Variants in NELL1 observed in about 807,000 individuals in gnomAD.
NELL1 encodes the protein protein kinase C-binding protein NELL1.
NELL1 carries 76 observed loss-of-function variants against 107.4 expected under a neutral mutation model. The ratio of observed to expected loss-of-function variants is 0.71; its 90% CI spans 0.59 to 0.86. The LOEUF is 0.86. Ranked by LOEUF, NELL1 falls within the 40% of genes least tolerant of loss-of-function variation. NELL1 has a pLI of 0.00. For missense variants in NELL1, 1,024 were observed against 1,005.5 expected (o/e 1.02, Z -0.25); for synonymous variants, 353 against 341.2 (o/e 1.03, Z -0.38).
intron 13 of NELL1, among the ~76,000 whole-genome samples, chr11:21,114,582 G>A (rs1855187498): frequency 6.6e-6 from 1 of 151,660 alleles, no homozygotes; most frequent in South Asian, 2.1e-4. Flanking sequence ...GACCTTTTCA[G>A]AAGTGCAAAA....
At chr11:20,755,550 G>GTTTTTTTTTTTTTTTTT (rs1226891368) in intron 2 of NELL1, among the ~76,000 whole-genome samples, 18 of 114,560 alleles carry the variant, frequency 1.6e-4, no homozygotes, top group African/African-American at 8.0e-4. Flanking sequence ...GTTTTTTTTT[G>GTTTTTTTTTTTTTTTTT]TTTTTGTTTT....
intron 15 of NELL1, among the ~76,000 whole-genome samples, chr11:21,506,142 G>A (rs1029742682): frequency 2.6e-5 from 4 of 152,096 alleles, no homozygotes; most frequent in African/African-American, 9.7e-5. Context: ...TTGTTAAAAG[G>A]CCAGCATCCA....
At chr11:21,031,932 C>T (rs1195865504) in intron 12 of NELL1, among the ~76,000 whole-genome samples, 1 of 151,814 alleles carries the variant, frequency 6.6e-6, no homozygotes, top group East Asian at 1.9e-4. Context: ...GTAGTTCCAG[C>T]TACTTAAGAG....
chr11:20,874,921 C>A (rs1485407596), intron 4 of NELL1, among the ~76,000 whole-genome samples: 4 of 152,212 alleles, frequency 2.6e-5, no homozygotes, highest in Admixed American at 1.3e-4. Context: ...CTTCTTCAGA[C>A]AGAACATCTC....
chr11:21,381,567 G>T (rs554280513), intron 15 of NELL1, among the ~76,000 whole-genome samples: 1 of 152,026 alleles, frequency 6.6e-6, no homozygotes, highest in African/African-American at 2.4e-5. Context: ...TTAACCAGGG[G>T]ATAAAATTGA....
At chr11:21,415,986 CT>C (rs1852509816) in intron 15 of NELL1, among the ~76,000 whole-genome samples, 1 of 152,014 alleles carries the variant, frequency 6.6e-6, no homozygotes, top group Non-Finnish European at 1.5e-5. Context: ...ACTTTTAATG[CT>C]GTGTGCCTGC....
At chr11:21,270,796 C>T (rs955665050) in intron 14 of NELL1, among the ~76,000 whole-genome samples, 7 of 152,028 alleles carry the variant, frequency 4.6e-5, no homozygotes, top group African/African-American at 1.7e-4. Context: ...GACCTTAGCA[C>T]ATTTAAAAGA....
chr11:20,758,955 T>C (rs1330319655), intron 2 of NELL1, among the ~76,000 whole-genome samples: 2 of 152,174 alleles, frequency 1.3e-5, no homozygotes, highest in African/African-American at 4.8e-5. Context: ...GTTGGGAGAA[T>C]GAAGGGAAAG....
chr11:21,128,547 T>C (rs1253452732), intron 13 of NELL1, among the ~76,000 whole-genome samples: 3 of 152,196 alleles, frequency 2.0e-5, no homozygotes, highest in African/African-American at 7.2e-5. Flanking sequence ...GAAATCTTAC[T>C]TGTGAATCAT....
intron 14 of NELL1, among the ~76,000 whole-genome samples, chr11:21,317,741 C>T (rs1488066207): frequency 1.3e-5 from 2 of 152,016 alleles, no homozygotes; most frequent in Non-Finnish European, 2.9e-5. Context: ...ACAGAGTTTA[C>T]TTTTTCTAAA....
intron 14 of NELL1, among the ~76,000 whole-genome samples, chr11:21,251,415 T>A (rs1858635200): frequency 6.6e-6 from 1 of 152,084 alleles, no homozygotes; most frequent in South Asian, 2.1e-4. Context: ...CAATTGAAGA[T>A]CCAAGCATAT....
At chr11:20,942,911 A>C (rs529075617) in intron 10 of NELL1, among the ~76,000 whole-genome samples, 1 of 152,190 alleles carries the variant, frequency 6.6e-6, no homozygotes, top group Non-Finnish European at 1.5e-5. Context: ...TTCAATGTCT[A>C]TTATCAAAGA....
At chr11:20,702,100 C>A (rs955796719) in intron 2 of NELL1, among the ~76,000 whole-genome samples, 22 of 152,110 alleles carry the variant, frequency 1.4e-4, no homozygotes, top group African/African-American at 5.1e-4. Flanking sequence ...TTACCTTGGG[C>A]AGTATGGCCA....
intron 13 of NELL1, among the ~76,000 whole-genome samples, chr11:21,116,868 A>AT (rs1193520886): frequency 2.6e-5 from 4 of 151,936 alleles, no homozygotes; most frequent in Non-Finnish European, 5.9e-5. Context: ...AGACAGAGCA[A>AT]TTTTTTTAAA....
At chr11:20,740,924 C>G (rs1029267445) in intron 2 of NELL1, among the ~76,000 whole-genome samples, 4 of 152,120 alleles carry the variant, frequency 2.6e-5, no homozygotes, top group African/African-American at 9.7e-5. Flanking sequence ...CCATGCCCAG[C>G]TCTAATGTTT....
intron 2 of NELL1, among the ~76,000 whole-genome samples, chr11:20,699,867 T>C (rs1854727017): frequency 6.6e-6 from 1 of 152,218 alleles, no homozygotes; most frequent in Non-Finnish European, 1.5e-5. Context: ...CTGTTTTCCA[T>C]AGTGGTTGTA....
At chr11:20,939,986 T>A (rs1166199843) in intron 10 of NELL1, among the ~76,000 whole-genome samples, 4 of 152,196 alleles carry the variant, frequency 2.6e-5, no homozygotes, top group African/African-American at 9.7e-5. Flanking sequence ...GCTTAATGAT[T>A]CTCACTTGGG....
intron 2 of NELL1, among the ~76,000 whole-genome samples, chr11:20,725,115 G>T (rs1010108647): frequency 4.6e-5 from 7 of 152,126 alleles, no homozygotes; most frequent in Admixed American, 3.3e-4. Flanking sequence ...AGATTTGGGT[G>T]GGGACACAGA....
chr11:20,770,881 C>T (rs1415482915), intron 2 of NELL1: 2 of 151,852 alleles, frequency 1.3e-5, no homozygotes, highest in African/African-American at 4.8e-5. Flanking sequence ...AATAATTTTT[C>T]CCCTCCTTCT....
Sources: allele counts gnomAD v4.1 joint callset (sites outside exome capture counted in the v4.1 genomes callset), GRCh38; gene constraint gnomAD v4.1.1; transcripts MANE v1.5; gene names NCBI Gene and HGNC (gene_info 2026-07-23, HGNC 2026-07-21).